The following MSTO1 variants were observed in gnomAD, a reference collection of about 807,000 sequenced individuals.
MSTO1 encodes the protein protein misato homolog 1.
Under a neutral mutation model 55.7 loss-of-function variants are expected in MSTO1, and 24 were observed. The observed-to-expected ratio is 0.43, with a 90% CI of 0.31 to 0.61. The LOEUF (loss-of-function observed/expected upper bound fraction) is 0.61, where lower values mean the gene tolerates loss of function less well. Ranked by LOEUF, MSTO1 falls within the 20% of genes least tolerant of loss-of-function variation. The pLI, the probability that MSTO1 is intolerant of heterozygous loss-of-function variation, is 0.09. For missense variants in MSTO1, 363 were observed against 625.7 expected (o/e 0.58, Z 4.48); for synonymous variants, 162 against 252.8 (o/e 0.64, Z 3.41).
In MSTO1 at chr1:155,612,862, T is replaced by G; in HGVS notation, c.985T>G (p.Cys329Gly). 6.2e-7 allele frequency: 1 copy of G among 1,613,930 alleles called. No individual in the cohort carries two copies. ...LHYDATLPFHCSAILATALDT... is the reference protein window; with the variant it reads ...LHYDATLPFHGSAILATALDT... Reference sequence around the variant, plus strand: ...CTTACAGGCCACTCTGCCCTTCCACTGCAGTGCCATCCTGGCTACAGCCCT... The same window carrying G: ...CTTACAGGCCACTCTGCCCTTCCACGGCAGTGCCATCCTGGCTACAGCCCT... Residue 329 changes from cysteine to glycine, a missense_variant, in exon 10 of 14, where the codon TGC becomes GGC. Coordinates refer to ENST00000245564, the MANE Select transcript of MSTO1 (RefSeq NM_018116.4).
the MSTO1 span, chr1:155,586,744 A>G: frequency 2.2e-6 from 1 of 455,502 alleles, no homozygotes; most frequent in Admixed American, 2.6e-5. Context: ...CTTTGTGCAT[A>G]CTGCCTTTTA....
At chr1:155,602,891 C>A in the MSTO1 span, among the ~76,000 whole-genome samples, 2 of 152,046 alleles carry the variant, frequency 1.3e-5, no homozygotes, top group Non-Finnish European at 2.9e-5. Context: ...TGGAAAAATT[C>A]TTCTTTACCC....
rs1571274760 is a variant in MSTO1 at position 155,614,330 on chromosome 1, G to T, written c.*57G>T. The T allele has an allele frequency of 1.4e-5, 8 of 574,478 alleles. No homozygotes were observed. In the East Asian group the frequency reaches 2.3e-4, roughly 16 times the overall value. 35.6% of individuals were successfully genotyped at this position (574,478 alleles called of 1,614,324 possible). On this transcript the variant is annotated 3_prime_UTR_variant, in exon 14 of 14. Coordinates refer to ENST00000245564, the MANE Select transcript of MSTO1 (RefSeq NM_018116.4). ...GCAATAAAAACAGCTGGATGCAGGA[G>T]CCCAGTGTCTTCATGCAGAGGAGCT... is the stretch of plus-strand genomic sequence containing the variant.
chr1:155,564,183 C>G, the MSTO1 span, among the ~76,000 whole-genome samples: 1 of 152,160 alleles, frequency 6.6e-6, no homozygotes, highest in African/African-American at 2.4e-5. Flanking sequence ...GGAAGTAATT[C>G]AGAAATGACT....
In MSTO1 at chr1:155,613,654, C is replaced by T. The variant is rs1440572616; in HGVS notation, c.1389-3C>T. 1 of 1,587,688 alleles carries T rather than the reference C, an allele frequency of 6.3e-7. No individual in the cohort carries two copies. The highest frequency in any genetic ancestry group is 1.3e-5 in the African/African-American group (1 of 74,702). On this transcript the variant is annotated splice_polypyrimidine_tract_variant and splice_region_variant and intron_variant, in intron 12 of 13. Transcript: ENST00000245564. ...ACTTAATGGCTGTTCTCTGCCCCCA[C>T]AGTTCTTCCCATCTGCTGCTGACTC...
At chr1:155,582,187 G>A in the MSTO1 span, among the ~76,000 whole-genome samples, 30 of 152,090 alleles carry the variant, frequency 2.0e-4, no homozygotes, top group African/African-American at 5.8e-4. Context: ...CACCACGCCC[G>A]GCCAACCATC....
upstream of MSTO1, among the ~76,000 whole-genome samples, chr1:155,606,334 A>G (rs1672934935): frequency 6.8e-6 from 1 of 146,056 alleles, no homozygotes; most frequent in Non-Finnish European, 1.5e-5. Context: ...GCTGGGGATT[A>G]CAGGTGAGAA....
chr1:155,605,068 A>C, the MSTO1 span, among the ~76,000 whole-genome samples: 2 of 151,994 alleles, frequency 1.3e-5, no homozygotes, highest in African/African-American at 4.8e-5. Flanking sequence ...CAAAACCAGC[A>C]GGGCCAAAAT....
the MSTO1 span, among the ~76,000 whole-genome samples, chr1:155,599,823 AG>A: frequency 5.8e-4 from 89 of 152,368 alleles, 1 homozygote; most frequent in South Asian, 0.017. Flanking sequence ...ATCATAGACA[AG>A]GTAAAGGATT....
the MSTO1 span, among the ~76,000 whole-genome samples, chr1:155,604,999 G>A: frequency 1.3e-5 from 2 of 152,098 alleles, no homozygotes; most frequent in South Asian, 4.1e-4. Flanking sequence ...GGTGGCTCAC[G>A]CCTGTAATCC....
chr1:155,579,410 C>T, the MSTO1 span, among the ~76,000 whole-genome samples: 2 of 152,038 alleles, frequency 1.3e-5, no homozygotes, highest in African/African-American at 4.8e-5. Flanking sequence ...CATGTTGCCT[C>T]GAACTACTGA....
rs1553293930 is a variant in MSTO1 at position 155,612,179 on chromosome 1, C to G, written c.679-3C>G. ...CTATCTTTTGTCACTCACCCCCGTCCAGGGCTTCCAGATCCTGTGTGACCT... is the reference window on the plus strand; with the variant it reads ...CTATCTTTTGTCACTCACCCCCGTCGAGGGCTTCCAGATCCTGTGTGACCT... On this transcript the variant is annotated splice_polypyrimidine_tract_variant and splice_region_variant and intron_variant, in intron 7 of 13. Transcript: ENST00000245564. 34 of 1,613,890 alleles carry G rather than the reference C, an allele frequency of 2.1e-5. No homozygotes were observed. Among genetic ancestry groups the G allele is most frequent in the Non-Finnish European group, 2.8e-5 (33 of 1,179,864 alleles).
upstream of MSTO1, among the ~76,000 whole-genome samples, chr1:155,609,241 A>ATTTT (rs1481008523): frequency 1.2e-4 from 6 of 48,350 alleles, no homozygotes; most frequent in East Asian, 2.9e-3. Flanking sequence ...ATATATATAT[A>ATTTT]TATTTTTTTT....
the MSTO1 span, among the ~76,000 whole-genome samples, chr1:155,583,405 G>A: frequency 6.6e-6 from 1 of 151,884 alleles, no homozygotes; most frequent in Non-Finnish European, 1.5e-5. Context: ...CGAGGTGGTT[G>A]CACGTGCCTG....
At chr1:155,590,918 G>A in the MSTO1 span, 11 of 1,613,262 alleles carry the variant, frequency 6.8e-6, no homozygotes, top group South Asian at 6.6e-5. Flanking sequence ...AGCACCAGGC[G>A]GGCCTTGGAA....
At chr1:155,569,159 A>G in the MSTO1 span, among the ~76,000 whole-genome samples, 2 of 151,734 alleles carry the variant, frequency 1.3e-5, no homozygotes, top group East Asian at 3.9e-4. Flanking sequence ...ATTTTGAAAC[A>G]GAGTCTTGCA....
chr1:155,574,319 C>T, the MSTO1 span, among the ~76,000 whole-genome samples: 1 of 152,218 alleles, frequency 6.6e-6, no homozygotes, highest in South Asian at 2.1e-4. Flanking sequence ...ACACTGCAGC[C>T]TAGGTGACAG....
At chr1:155,612,758 C>T (rs1674543393) in intron 9 of MSTO1, 86 bp from the exon 10 acceptor site, 9 of 1,551,906 alleles carry the variant, frequency 5.8e-6, no homozygotes, top group Non-Finnish European at 7.9e-6. Context: ...GATTCGTCCC[C>T]TGGGTCTCTC....
Position 155,612,843 on chromosome 1 carries a change from G to A in MSTO1, c.967-1G>A. Reference sequence around the variant, plus strand: ...GTGCCCATCTTGGTGTCTTCTTACAGGCCACTCTGCCCTTCCACTGCAGTG... The same window carrying A: ...GTGCCCATCTTGGTGTCTTCTTACAAGCCACTCTGCCCTTCCACTGCAGTG... On this transcript the variant is annotated splice_acceptor_variant, in intron 9 of 13. Coordinates refer to ENST00000245564, the MANE Select transcript of MSTO1 (RefSeq NM_018116.4). LOFTEE classifies it high-confidence loss of function. The A allele has an allele frequency of 6.2e-7, 1 of 1,613,812 alleles. No homozygotes were observed. Among genetic ancestry groups the A allele is most frequent in the Non-Finnish European group, 8.5e-7 (1 of 1,179,828 alleles).
Sources: allele counts gnomAD v4.1 joint callset (sites outside exome capture counted in the v4.1 genomes callset), GRCh38; gene constraint gnomAD v4.1.1; transcripts MANE v1.5; gene names NCBI Gene and HGNC (gene_info 2026-07-23, HGNC 2026-07-21).